IKZF2: variants seen among roughly 807,000 people sequenced by gnomAD.
The protein encoded by IKZF2 is zinc finger protein Helios.
Under a neutral mutation model 49.2 loss-of-function variants are expected in IKZF2, and 15 were observed. That is an observed-to-expected ratio of 0.30 (90% CI 0.20 to 0.47). The LOEUF (loss-of-function observed/expected upper bound fraction) is 0.47. IKZF2 is among the 20% of genes least tolerant of loss of function. IKZF2 has a pLI of 1.00. For synonymous variants in IKZF2, 227 were observed against 221.4 expected, an observed-to-expected ratio of 1.03 and a Z score of -0.23; for missense variants, 567 against 664.6, an observed-to-expected ratio of 0.85 and a Z score of 1.61.
At chr2:213,008,134 CAA>C in intron 8 of IKZF2, 50 bp from the exon 9 acceptor site, 3 of 1,453,434 alleles carry the variant, frequency 2.1e-6, no homozygotes, top group Non-Finnish European at 2.8e-6. Flanking sequence ...AAAAATACAA[CAA>C]CATTAGTATC....
chr2:213,083,106 T>C (rs73077242), intron 4 of IKZF2, among the ~76,000 whole-genome samples: 8,251 of 152,232 alleles, frequency 0.054, 489 homozygotes, highest in African/African-American at 0.16. Context: ...TTAAAAACTA[T>C]AGCCAGAAAG....
chr2:213,025,714 C>T (rs1697748182), intron 6 of IKZF2, among the ~76,000 whole-genome samples: 1 of 152,034 alleles, frequency 6.6e-6, no homozygotes. Context: ...ATCAAACATT[C>T]AAGATACCCA....
intron 4 of IKZF2, among the ~76,000 whole-genome samples, chr2:213,058,032 C>T (rs1004049312): frequency 1.3e-5 from 2 of 152,064 alleles, no homozygotes; most frequent in African/African-American, 4.8e-5. Flanking sequence ...TAGAAAATTT[C>T]TTAAGAAGTC....
intron 4 of IKZF2, among the ~76,000 whole-genome samples, chr2:213,093,532 T>C (rs565101543): frequency 4.6e-4 from 70 of 152,316 alleles, no homozygotes; most frequent in African/African-American, 1.6e-3. Context: ...TTAATTATAA[T>C]GTCCTATTAT....
chr2:213,056,732 A>T, intron 5 of IKZF2, 101 bp downstream of exon 5: 1 of 1,425,834 alleles, frequency 7.0e-7, no homozygotes. Context: ...GGTAGTTTTC[A>T]CCACTGCCAC....
chr2:213,095,600 A>G (rs1400867589), intron 4 of IKZF2, among the ~76,000 whole-genome samples: 1 of 152,106 alleles, frequency 6.6e-6, no homozygotes, highest in East Asian at 1.9e-4. Flanking sequence ...CCACAGGTAT[A>G]CCATAAACAT....
chr2:213,021,921 A>C (rs199634194), intron 7 of IKZF2, 72 bp downstream of exon 7: 10 of 519,250 alleles, frequency 1.9e-5, no homozygotes, highest in Non-Finnish European at 2.5e-5. Flanking sequence ...AAACAGCATA[A>C]GATTTTATCT....
chr2:213,148,257 C>A (rs1302562661), intron 3 of IKZF2, among the ~76,000 whole-genome samples: 1 of 152,114 alleles, frequency 6.6e-6, no homozygotes, highest in African/African-American at 2.4e-5. Flanking sequence ...AATTAGGTTA[C>A]AGAGAAGTAA....
chr2:213,142,225 AC>A (rs1047722574), intron 4 of IKZF2, among the ~76,000 whole-genome samples: 64 of 151,798 alleles, frequency 4.2e-4, no homozygotes, highest in African/African-American at 1.2e-3. Flanking sequence ...GTTGAGCGCC[AC>A]CCCCCTCCCC....
chr2:213,009,462 T>C (rs1368569105), intron 8 of IKZF2, among the ~76,000 whole-genome samples: 1 of 152,112 alleles, frequency 6.6e-6, no homozygotes, highest in Non-Finnish European at 1.5e-5. Context: ...GGTTAATATG[T>C]TGTTGTGGAT....
intron 5 of IKZF2, among the ~76,000 whole-genome samples, chr2:213,054,356 A>G (rs1433106316): frequency 6.6e-6 from 1 of 152,214 alleles, no homozygotes; most frequent in East Asian, 1.9e-4. Flanking sequence ...TAAACAATTG[A>G]TAAGAGTGGG....
intron 4 of IKZF2, chr2:213,081,144 A>G (rs1478046490): frequency 1.3e-5 from 2 of 154,776 alleles, no homozygotes; most frequent in East Asian, 3.8e-4. Context: ...TGGGAAGAGT[A>G]TAGGAGGTAG....
chr2:213,049,676 G>C (rs1700499037), intron 6 of IKZF2, 37 bp downstream of exon 6: 1 of 1,488,998 alleles, frequency 6.7e-7, no homozygotes, highest in Non-Finnish European at 9.0e-7. Context: ...AAGTTTTCCT[G>C]TTTTACTTTT....
chr2:213,041,452 G>C (rs963139161), intron 6 of IKZF2, among the ~76,000 whole-genome samples: 1 of 151,938 alleles, frequency 6.6e-6, no homozygotes, highest in African/African-American at 2.4e-5. Context: ...ACAGGCGTGT[G>C]CTATCACGCC....
intron 5 of IKZF2, among the ~76,000 whole-genome samples, chr2:213,053,597 A>G (rs1335908369): frequency 6.6e-6 from 1 of 152,182 alleles, no homozygotes; most frequent in Non-Finnish European, 1.5e-5. Context: ...GCTGCAATGT[A>G]CAAAATACGG....
chr2:213,049,313 T>C (rs1187790237), intron 6 of IKZF2, among the ~76,000 whole-genome samples: 1 of 152,072 alleles, frequency 6.6e-6, no homozygotes, highest in Non-Finnish European at 1.5e-5. Flanking sequence ...GCCTGAGCAC[T>C]GTATCAGTCA....
intron 4 of IKZF2, among the ~76,000 whole-genome samples, chr2:213,128,111 T>C (rs538053483): frequency 6.6e-6 from 1 of 152,324 alleles, no homozygotes; most frequent in African/African-American, 2.4e-5. Flanking sequence ...AAAAAAGGTA[T>C]TCTAAATCTT....
intron 4 of IKZF2, among the ~76,000 whole-genome samples, chr2:213,102,503 G>A (rs750875501): frequency 2.0e-5 from 3 of 152,056 alleles, no homozygotes; most frequent in Non-Finnish European, 2.9e-5. Context: ...TTTTACACCT[G>A]TTCTTGGTTT....
At chr2:213,137,372 G>A (rs115146682) in intron 4 of IKZF2, among the ~76,000 whole-genome samples, 3 of 151,884 alleles carry the variant, frequency 2.0e-5, no homozygotes, top group African/African-American at 7.3e-5. Flanking sequence ...TACTACATTC[G>A]AGTCAGTGTT....
Sources: gnomAD v4.1 joint callset for allele counts (sites outside exome capture counted in the v4.1 genomes callset) on GRCh38, gnomAD v4.1.1 for gene constraint, MANE v1.5 for transcripts, NCBI Gene and HGNC (gene_info 2026-07-23, HGNC 2026-07-21) for gene names.